Variants in KPNA5 observed in about 807,000 individuals in gnomAD.
The protein encoded by KPNA5 is importin subunit alpha-6.
KPNA5 carries 46 observed loss-of-function variants against 71.3 expected under a neutral mutation model. The ratio of observed to expected loss-of-function variants is 0.65; its 90% CI spans 0.51 to 0.83. KPNA5 has a LOEUF of 0.83. KPNA5 is among the 40% of genes least tolerant of loss of function. KPNA5 has a pLI of 0.00. For synonymous variants in KPNA5, 207 were observed against 201.4 expected (o/e 1.03, Z -0.24); for missense variants, 547 against 628.3 (o/e 0.87, Z 1.38).
chr6:116,705,601 A>G (rs1778410048), intron 7 of KPNA5, among the ~76,000 whole-genome samples: 1 of 152,164 alleles, frequency 6.6e-6, no homozygotes, highest in Admixed American at 6.6e-5. Context: ...TTTATCTAGT[A>G]GTTTCTTCTA....
At chr6:116,716,405 C>T (rs1014683780) in intron 8 of KPNA5, 87 bp downstream of exon 8, 11 of 853,630 alleles carry the variant, frequency 1.3e-5, no homozygotes, top group African/African-American at 1.7e-5. Context: ...AGGAACTCCA[C>T]TTTTTGTTTA....
At chr6:116,708,520 C>T (rs2114436059) in intron 7 of KPNA5, among the ~76,000 whole-genome samples, 1 of 152,242 alleles carries the variant, frequency 6.6e-6, no homozygotes, top group South Asian at 2.1e-4. Context: ...CTGTAGATCA[C>T]TTTGAGCAGT....
intron 7 of KPNA5, among the ~76,000 whole-genome samples, chr6:116,708,057 C>T (rs940036820): frequency 2.6e-5 from 4 of 152,220 alleles, no homozygotes; most frequent in Non-Finnish European, 4.4e-5. Flanking sequence ...TTTCAAGGTT[C>T]ATCCATATTA....
Position 116,727,182 on chromosome 6 carries a change from G to C in KPNA5, c.1253+560G>C, listed in dbSNP as rs186602091. 3.6e-3 allele frequency among the ~76,000 whole-genome samples: 549 copies of C among 151,972 alleles called. 1 individual carries two copies. The highest frequency in any genetic ancestry group is 0.013 in the African/African-American group (532 of 41,476). On this transcript the variant is annotated intron_variant, in intron 12 of 13. Coordinates refer to ENST00000368564, the MANE Select transcript of KPNA5 (RefSeq NM_001366306.2). ...GGTGCATGGGCTTTTAAGTCAGCCT[G>C]ATTTCAAATCCTGCTCCTTCAGTAA...
chr6:116,700,820 G>T (rs943087236), intron 5 of KPNA5, among the ~76,000 whole-genome samples: 5 of 152,132 alleles, frequency 3.3e-5, no homozygotes, highest in African/African-American at 1.2e-4. Context: ...AGGTTGAATA[G>T]GCATTCTGTC....
At chr6:116,689,197 T>G (rs1262778312) in intron 1 of KPNA5, 123 bp from the exon 2 acceptor site, 3 of 958,652 alleles carry the variant, frequency 3.1e-6, no homozygotes, top group Non-Finnish European at 4.7e-6. Context: ...GTACATAATT[T>G]TCAGAATGGG....
At chr6:116,722,857 A>G (rs1045799830) in intron 9 of KPNA5, among the ~76,000 whole-genome samples, 1 of 152,218 alleles carries the variant, frequency 6.6e-6, no homozygotes, top group African/African-American at 2.4e-5. Context: ...AACTTCATCT[A>G]CTTACCCTCT....
chr6:116,686,432 T>A (rs1038853046), intron 1 of KPNA5, among the ~76,000 whole-genome samples: 1 of 152,222 alleles, frequency 6.6e-6, no homozygotes, highest in Admixed American at 6.5e-5. Flanking sequence ...TTAAGTTTCT[T>A]ATAGATGCTG....
At position 116,740,884 on chromosome 6, in the gene KPNA5, A is replaced by G. The variant is rs1193305738; in HGVS notation, c.*8561A>G. On this transcript the variant is annotated 3_prime_UTR_variant, in exon 14 of 14. Coordinates refer to ENST00000368564, the MANE Select transcript of KPNA5 (RefSeq NM_001366306.2). ...GGGGAGGGATAGCTTTAGGAGATAT[A>G]CCTAATGCTAAATGACGAGTTAATG... 1 of 151,812 alleles carries G rather than the reference A, an allele frequency of 6.6e-6. No individual in the cohort carries two copies. The highest frequency in any genetic ancestry group is 1.5e-5 in the Non-Finnish European group (1 of 67,954). 9.4% of individuals were successfully genotyped at this position (151,812 alleles called of 1,614,324 possible).
intron 12 of KPNA5, among the ~76,000 whole-genome samples, chr6:116,727,750 CATA>C (rs1779340254): frequency 6.6e-6 from 1 of 151,990 alleles, no homozygotes; most frequent in Non-Finnish European, 1.5e-5. Flanking sequence ...TTGTAATCAT[CATA>C]ATTTTTATTA....
At chr6:116,711,487 T>G (rs1005637877) in intron 7 of KPNA5, among the ~76,000 whole-genome samples, 1 of 151,634 alleles carries the variant, frequency 6.6e-6, no homozygotes, top group Non-Finnish European at 1.5e-5. Flanking sequence ...ACTACATCCC[T>G]TAAGTTTTGG....
At chr6:116,731,149 C>G (rs533847863) in intron 13 of KPNA5, among the ~76,000 whole-genome samples, 2 of 152,198 alleles carry the variant, frequency 1.3e-5, no homozygotes, top group South Asian at 4.1e-4. Flanking sequence ...TTAGATAAGG[C>G]ATGAATCTAA....
At chr6:116,710,906 T>A (rs1415037287) in intron 7 of KPNA5, among the ~76,000 whole-genome samples, 3,295 of 110,388 alleles carry the variant, frequency 0.03, 284 homozygotes, top group African/African-American at 0.11. Flanking sequence ...TTTTTTTTTT[T>A]TTTTTTGAGT....
chr6:116,709,635 G>C (rs187949498), intron 7 of KPNA5, among the ~76,000 whole-genome samples: 195 of 152,240 alleles, frequency 1.3e-3, no homozygotes, highest in African/African-American at 4.1e-3. Context: ...ATGTTATTTA[G>C]AAGTGGCAAA....
chr6:116,687,150 TC>T (rs1309247190), intron 1 of KPNA5, among the ~76,000 whole-genome samples: 2 of 152,236 alleles, frequency 1.3e-5, no homozygotes, highest in African/African-American at 2.4e-5. Context: ...TATTGATTCT[TC>T]CTATCCACAA....
intron 4 of KPNA5, among the ~76,000 whole-genome samples, chr6:116,694,563 C>A (rs1422883216): frequency 6.6e-6 from 1 of 152,072 alleles, no homozygotes; most frequent in African/African-American, 2.4e-5. Flanking sequence ...TATAAGAATG[C>A]TTGTGATTTT....
Position 116,732,341 on chromosome 6 carries a change from A to G in KPNA5, c.*18A>G. 6.9e-7 allele frequency: 1 copy of G among 1,442,156 alleles called. No individual in the cohort carries two copies. Among genetic ancestry groups the G allele is most frequent in the Non-Finnish European group, 9.2e-7 (1 of 1,082,404 alleles). The allele number at this position is 1,442,156 out of a possible 1,614,324, so 89.3% of individuals were successfully genotyped here. A position where few individuals can be genotyped will look rare whatever the true frequency, so the allele number is the denominator to read the frequency against. ...AACTTTAACTTACTGGAGGAAAAAA[A>G]ATTTATGGCTAAAAAGGGTAGCTTC... On this transcript the variant is annotated 3_prime_UTR_variant, in exon 14 of 14. Coordinates refer to ENST00000368564, the MANE Select transcript of KPNA5 (RefSeq NM_001366306.2).
intron 11 of KPNA5, 103 bp from the exon 12 acceptor site, chr6:116,726,392 C>A: frequency 1.1e-6 from 1 of 906,244 alleles, no homozygotes; most frequent in South Asian, 2.1e-5. Context: ...GTCAAGGTTC[C>A]AAAAACCTTG....
At chr6:116,681,408 C>T in intron 1 of KPNA5, 70 bp downstream of exon 1, 1 of 1,484,030 alleles carries the variant, frequency 6.7e-7, no homozygotes, top group Non-Finnish European at 9.0e-7. Flanking sequence ...CTACTAGTTC[C>T]TGGGGCCACG....
Sources: gnomAD v4.1 joint callset for allele counts (sites outside exome capture counted in the v4.1 genomes callset) on GRCh38, gnomAD v4.1.1 for gene constraint, MANE v1.5 for transcripts, NCBI Gene and HGNC (gene_info 2026-07-23, HGNC 2026-07-21) for gene names.